ASXL2: variants seen among roughly 807,000 people sequenced by gnomAD.
ASXL2 encodes ASXL transcriptional regulator 2, also known as putative Polycomb group protein ASXL2.
In ASXL2, 23 loss-of-function variants were observed where a neutral mutation model predicts 122.0. The ratio of observed to expected loss-of-function variants is 0.19; its 90% CI spans 0.14 to 0.27. The LOEUF (loss-of-function observed/expected upper bound fraction) is 0.27, where lower values mean the gene tolerates loss of function less well. Among genes scored for constraint, ASXL2 ranks in the 10% least tolerant of loss-of-function variants. The probability of loss-of-function intolerance (pLI) is 1.00; values close to 1 mark genes in which losing one functional copy is unlikely to be tolerated. For synonymous variants in ASXL2, 650 were observed against 637.0 expected, an observed-to-expected ratio of 1.02 and a Z score of -0.31; for missense variants, 1,518 against 1,713.8, an observed-to-expected ratio of 0.89 and a Z score of 2.02.
chr2:25,751,788 CT>C (rs796171724), intron 11 of ASXL2, among the ~76,000 whole-genome samples: 73 of 146,966 alleles, frequency 5.0e-4, no homozygotes, highest in Non-Finnish European at 4.4e-4. Flanking sequence ...TTATAGAACT[CT>C]TTTTTTTTTT....
intron 10 of ASXL2, among the ~76,000 whole-genome samples, chr2:25,753,922 C>G (rs911648707): frequency 6.6e-6 from 1 of 152,180 alleles, no homozygotes; most frequent in African/African-American, 2.4e-5. Context: ...AAGCATCACA[C>G]TCCATACAGA....
chr2:25,816,721 T>A (rs1054340405), intron 3 of ASXL2, among the ~76,000 whole-genome samples: 1 of 152,206 alleles, frequency 6.6e-6, no homozygotes, highest in Non-Finnish European at 1.5e-5. Context: ...GAAGGAAACA[T>A]TTGCTTTCTT....
chr2:25,847,790 G>A (rs1203280883), intron 1 of ASXL2, among the ~76,000 whole-genome samples: 2 of 152,094 alleles, frequency 1.3e-5, no homozygotes, highest in Non-Finnish European at 2.9e-5. Flanking sequence ...TGATGTCTGG[G>A]ACTTCAAAAA....
intron 9 of ASXL2, among the ~76,000 whole-genome samples, chr2:25,758,094 G>GT (rs1190202743): frequency 6.6e-6 from 1 of 152,158 alleles, no homozygotes; most frequent in East Asian, 1.9e-4. Flanking sequence ...TTACTTCTTT[G>GT]TCCCCACTGC....
At chr2:25,807,689 G>A (rs1017947146) in intron 3 of ASXL2, among the ~76,000 whole-genome samples, 1 of 151,952 alleles carries the variant, frequency 6.6e-6, no homozygotes, top group Non-Finnish European at 1.5e-5. Context: ...GTATGTTTCC[G>A]AGAGAAAAAA....
chr2:25,752,839 CTG>C (rs2088068445), intron 11 of ASXL2, among the ~76,000 whole-genome samples: 2 of 139,054 alleles, frequency 1.4e-5, no homozygotes, highest in Admixed American at 7.1e-5. Context: ...GAGTGAAACT[CTG>C]TCTCAAAAAA....
chr2:25,844,907 G>A lies in ASXL2; in HGVS notation c.140+574C>T, dbSNP rs945530315. ...CCACCTCAGCCTCCCAAACAGCTGC[G>A]ATCACAAGCATGAGCCACCATGCCT... On this transcript the variant is annotated intron_variant, in intron 2 of 12. Coordinates refer to ENST00000435504, the MANE Select transcript of ASXL2 (RefSeq NM_018263.6). Among the ~76,000 whole-genome samples, 10 of 152,138 alleles carry A rather than the reference G, an allele frequency of 6.6e-5. No homozygotes were observed. In the East Asian group the frequency reaches 1.2e-3, roughly 18 times the overall value.
Position 25,878,286 on chromosome 2 carries a change from C to G in ASXL2, c.-64G>C. ...GCTCCGGCCGCCCTCCCTGCCTGCTCTGCCCTGCGCTGCTTTTCCCGCGGT... is the reference window on the plus strand; with the variant it reads ...GCTCCGGCCGCCCTCCCTGCCTGCTGTGCCCTGCGCTGCTTTTCCCGCGGT... On this transcript the variant is annotated 5_prime_UTR_variant, in exon 1 of 13. Coordinates refer to ENST00000435504, the MANE Select transcript of ASXL2 (RefSeq NM_018263.6). 6.5e-7 allele frequency: 1 copy of G among 1,541,354 alleles called. No individual in the cohort carries two copies. The highest frequency in any genetic ancestry group is 8.9e-7 in the Non-Finnish European group (1 of 1,120,412).
intron 8 of ASXL2, among the ~76,000 whole-genome samples, chr2:25,762,665 G>GA (rs60065368): frequency 0.052 from 1,777 of 34,248 alleles, 188 homozygotes; most frequent in African/African-American, 0.12. Context: ...ACTCTTTCTC[G>GA]AAAAAAAAAA....
At chr2:25,843,604 T>C (rs1392443347) in intron 2 of ASXL2, among the ~76,000 whole-genome samples, 1 of 151,944 alleles carries the variant, frequency 6.6e-6, no homozygotes, top group East Asian at 1.9e-4. Flanking sequence ...AAAAAGAATT[T>C]AAACTGCTTT....
At position 25,741,853 on chromosome 2, in the gene ASXL2, G is replaced by T; in HGVS notation, c.*176C>A. 1.6e-6 allele frequency: 1 copy of T among 614,832 alleles called. No individual in the cohort carries two copies. Among genetic ancestry groups the T allele is most frequent in the Admixed American group, 3.0e-5 (1 of 33,386 alleles). The allele number at this position is 614,832 out of a possible 1,614,324, so 38.1% of individuals were successfully genotyped here. ...TTGACTTAGACTTACTATACAAGGT[G>T]CTCTTCCTCTAAAATGTAAAAAATC... On this transcript the variant is annotated 3_prime_UTR_variant, in exon 13 of 13. Transcript: ENST00000435504.
intron 3 of ASXL2, among the ~76,000 whole-genome samples, chr2:25,821,594 T>A (rs760490271): frequency 6.6e-6 from 1 of 152,232 alleles, no homozygotes; most frequent in African/African-American, 2.4e-5. Context: ...TGAACCACCG[T>A]TGAAACATGA....
intron 5 of ASXL2, among the ~76,000 whole-genome samples, chr2:25,771,778 T>C (rs1307017935): frequency 6.6e-6 from 1 of 152,164 alleles, no homozygotes. Flanking sequence ...TTACTTTTCA[T>C]TTATTACTTT....
intron 1 of ASXL2, among the ~76,000 whole-genome samples, chr2:25,857,428 T>G (rs1323118178): frequency 6.6e-6 from 1 of 152,188 alleles, no homozygotes; most frequent in Non-Finnish European, 1.5e-5. Flanking sequence ...ATCATTGACC[T>G]AGTAATTTAA....
chr2:25,871,025 A>G (rs1331958298), intron 1 of ASXL2, among the ~76,000 whole-genome samples: 2 of 152,318 alleles, frequency 1.3e-5, no homozygotes, highest in Admixed American at 6.5e-5. Flanking sequence ...AAATAAATTT[A>G]AAGCAAGTAA....
At chr2:25,767,562 A>T in intron 8 of ASXL2, 21 bp downstream of exon 8, 1 of 1,603,852 alleles carries the variant, frequency 6.2e-7, no homozygotes, top group East Asian at 2.2e-5. Context: ...TGAAAACTGA[A>T]GTCTTTGTAA....
chr2:25,780,646 G>A (rs1417053703), intron 5 of ASXL2, among the ~76,000 whole-genome samples: 1 of 152,146 alleles, frequency 6.6e-6, no homozygotes, highest in Non-Finnish European at 1.5e-5. Context: ...GAGAATCATT[G>A]TTCTTAATCT....
rs144145474 is a variant in ASXL2 at position 25,742,663 on chromosome 2, C to G, written c.3674G>C (p.Cys1225Ser). 9.5e-4 allele frequency: 1,534 copies of G among 1,613,964 alleles called. 13 individuals carry two copies. In the African/African-American group the frequency reaches 0.018, roughly 19 times the overall value. ...HSRETLSTSD[C>S]LASKNVKAEI... is the part of the protein sequence containing the mutation. ...AGCCTTCACATTCTTGCTAGCTAAGCAATCACTGGTAGATAGAGTTTCCCT... is the reference window on the plus strand; with the variant it reads ...AGCCTTCACATTCTTGCTAGCTAAGGAATCACTGGTAGATAGAGTTTCCCT... The change falls in exon 13 of 13, where the codon TGC (cysteine) becomes TCC (serine). Residue 1225 changes from cysteine (C) to serine (S), a missense_variant. By Grantham distance (112) the Cys-to-Ser change is moderately radical. Around this residue, in one of 8 missense-constraint regions of ASXL2, gnomAD observed 831 missense variants for 833.1 expected, o/e 1.00. Transcript: ENST00000435504.
At chr2:25,805,088 T>C (rs555419739) in intron 4 of ASXL2, among the ~76,000 whole-genome samples, 2 of 152,262 alleles carry the variant, frequency 1.3e-5, no homozygotes, top group South Asian at 2.1e-4. Context: ...GCAAGCTTGT[T>C]ATGTTAGAAA....
Sources: allele counts gnomAD v4.1 joint callset (sites outside exome capture counted in the v4.1 genomes callset), GRCh38; gene constraint gnomAD v4.1.1; regional missense constraint gnomAD v4.1.1; transcripts MANE v1.5; gene names NCBI Gene and HGNC (gene_info 2026-07-23, HGNC 2026-07-21).